The following ADGRG6 variants were observed in gnomAD, a reference collection of about 807,000 sequenced individuals.
The protein encoded by ADGRG6 is G-protein coupled receptor 126.
ADGRG6 carries 84 observed loss-of-function variants against 142.4 expected under a neutral mutation model. That is an observed-to-expected ratio of 0.59 (90% CI 0.49 to 0.71). The LOEUF is 0.71. Among genes scored for constraint, ADGRG6 ranks in the 30% least tolerant of loss-of-function variants. The pLI, the probability that ADGRG6 is intolerant of heterozygous loss-of-function variation, is 0.00. For synonymous variants in ADGRG6, 521 were observed against 520.5 expected, an observed-to-expected ratio of 1.00 and a Z score of -0.01; for missense variants, 1,367 against 1,466.6, an observed-to-expected ratio of 0.93 and a Z score of 1.11.
chr6:142,318,277 TTA>T (rs1282603539), intron 2 of ADGRG6, among the ~76,000 whole-genome samples: 131 of 61,868 alleles, frequency 2.1e-3, no homozygotes, highest in African/African-American at 0.013. Flanking sequence ...TATATTTATA[TTA>T]TATATATTTA....
At chr6:142,366,877 ATG>A (rs1204051528) in intron 2 of ADGRG6, among the ~76,000 whole-genome samples, 1 of 152,172 alleles carries the variant, frequency 6.6e-6, no homozygotes, top group African/African-American at 2.4e-5. Context: ...TACTAAATGA[ATG>A]AGTAAATGAG....
At chr6:142,352,784 G>A (rs960173395) in intron 2 of ADGRG6, among the ~76,000 whole-genome samples, 5 of 152,074 alleles carry the variant, frequency 3.3e-5, no homozygotes, top group Non-Finnish European at 5.9e-5. Flanking sequence ...GTATATGCAT[G>A]TAATAGTTCT....
intron 2 of ADGRG6, among the ~76,000 whole-genome samples, chr6:142,313,479 A>G (rs1048219882): frequency 1.9e-4 from 29 of 152,162 alleles, no homozygotes; most frequent in Non-Finnish European, 3.5e-4. Flanking sequence ...TGAGCAGTGC[A>G]GGAGGAGCCT....
intron 7 of ADGRG6, among the ~76,000 whole-genome samples, chr6:142,390,718 G>A (rs1451782058): frequency 6.6e-6 from 1 of 151,736 alleles, no homozygotes; most frequent in Non-Finnish European, 1.5e-5. Flanking sequence ...ATGAAAAGAC[G>A]CATTATGAAA....
At chr6:142,368,298 A>G (rs1441755927) in intron 3 of ADGRG6, among the ~76,000 whole-genome samples, 1 of 152,210 alleles carries the variant, frequency 6.6e-6, no homozygotes, top group Non-Finnish European at 1.5e-5. Context: ...TTAAGGAACT[A>G]TGGTAGGGAA....
intron 2 of ADGRG6, among the ~76,000 whole-genome samples, chr6:142,340,436 G>A (rs138043109): frequency 1.0e-3 from 159 of 152,118 alleles, no homozygotes; most frequent in African/African-American, 3.6e-3. Context: ...ACTATATAAG[G>A]TTGTAATGGT....
chr6:142,342,735 G>GA (rs533837086), intron 2 of ADGRG6, among the ~76,000 whole-genome samples: 361 of 152,052 alleles, frequency 2.4e-3, no homozygotes, highest in African/African-American at 8.2e-3. Flanking sequence ...TCACACAGTT[G>GA]AAAAATGACA....
chr6:142,317,801 T>C (rs1432186005), intron 2 of ADGRG6, among the ~76,000 whole-genome samples: 8 of 89,546 alleles, frequency 8.9e-5, no homozygotes, highest in East Asian at 5.4e-4. Context: ...ATATATATAT[T>C]ATATATATTT....
At chr6:142,369,210 T>C (rs957848591) in intron 3 of ADGRG6, among the ~76,000 whole-genome samples, 1 of 152,104 alleles carries the variant, frequency 6.6e-6, no homozygotes, top group Non-Finnish European at 1.5e-5. Context: ...ACAATGGCTA[T>C]TATATTAGCA....
intron 15 of ADGRG6, 70 bp from the exon 16 acceptor site, chr6:142,408,080 A>T (rs1775898934): frequency 2.5e-6 from 3 of 1,191,138 alleles, no homozygotes; most frequent in Non-Finnish European, 3.5e-6. Context: ...CAGTTTGCTT[A>T]TTTTGGAGCA....
At chr6:142,309,342 G>T (rs1186070700) in intron 1 of ADGRG6, among the ~76,000 whole-genome samples, 2 of 151,802 alleles carry the variant, frequency 1.3e-5, no homozygotes, top group East Asian at 3.8e-4. Context: ...CAAATAAAAT[G>T]CATGGATTTA....
chr6:142,328,386 A>G (rs1391687394), intron 2 of ADGRG6, among the ~76,000 whole-genome samples: 1 of 152,116 alleles, frequency 6.6e-6, no homozygotes, highest in Non-Finnish European at 1.5e-5. Context: ...TGTATTTTGT[A>G]GAGATGGTGT....
At chr6:142,325,999 A>T (rs540748548) in intron 2 of ADGRG6, among the ~76,000 whole-genome samples, 1 of 152,212 alleles carries the variant, frequency 6.6e-6, no homozygotes, top group East Asian at 1.9e-4. Context: ...GAATAATTTT[A>T]TGAATTATGG....
At chr6:142,389,440 G>A (rs1445966932) in intron 6 of ADGRG6, among the ~76,000 whole-genome samples, 4 of 151,820 alleles carry the variant, frequency 2.6e-5, no homozygotes, top group Non-Finnish European at 5.9e-5. Flanking sequence ...ATTTAAAAGG[G>A]TATTTTTCTT....
At chr6:142,433,644 A>G (rs1227554576) in intron 22 of ADGRG6, among the ~76,000 whole-genome samples, 2 of 152,244 alleles carry the variant, frequency 1.3e-5, no homozygotes, top group East Asian at 3.8e-4. Context: ...GTGTGCAGCC[A>G]GTGCCCTCTC....
intron 2 of ADGRG6, among the ~76,000 whole-genome samples, chr6:142,317,959 ATTT>A (rs1562306449): frequency 2.9e-4 from 20 of 68,418 alleles, no homozygotes; most frequent in African/African-American, 6.3e-4. Flanking sequence ...TATATTATAT[ATTT>A]ATATATTATA....
At chr6:142,438,091 G>A (rs1286323241) in intron 23 of ADGRG6, 121 bp from the exon 24 acceptor site, 1 of 602,990 alleles carries the variant, frequency 1.7e-6, no homozygotes, top group Admixed American at 3.4e-5. Context: ...TCTTCTCTGA[G>A]CCATTGCCAG....
chr6:142,385,092 T>A (rs1386052871), intron 6 of ADGRG6, among the ~76,000 whole-genome samples: 2 of 152,124 alleles, frequency 1.3e-5, no homozygotes, highest in Non-Finnish European at 2.9e-5. Context: ...GCCTCTGTGG[T>A]ATTCTCCCTC....
At position 142,360,973 on chromosome 6, in the gene ADGRG6, C is replaced by A. The variant is rs569464152; in HGVS notation, c.104-6596C>A. On this transcript the variant is annotated intron_variant, in intron 2 of 24. Coordinates refer to ENST00000367609, the MANE Select transcript of ADGRG6 (RefSeq NM_198569.3). ...AGCCTCTACATTTGCTCTCTAGCCC[C>A]TTAGCTTCCTGTATTTCCAAGTGGC... Among the ~76,000 whole-genome samples, 3 of 152,284 alleles carry A rather than the reference C, an allele frequency of 2.0e-5. No individual in the cohort carries two copies. In the East Asian group the frequency reaches 5.8e-4, roughly 29 times the overall value.
Sources: gnomAD v4.1 joint callset for allele counts (sites outside exome capture counted in the v4.1 genomes callset) on GRCh38, gnomAD v4.1.1 for gene constraint, MANE v1.5 for transcripts, NCBI Gene and HGNC (gene_info 2026-07-23, HGNC 2026-07-21) for gene names.